TTC28: variants seen among roughly 807,000 people sequenced by gnomAD.
TTC28 encodes tetratricopeptide repeat domain 28.
TTC28 carries 61 observed loss-of-function variants against 198.0 expected under a neutral mutation model. That is an observed-to-expected ratio of 0.31 (90% CI 0.25 to 0.38). The LOEUF (loss-of-function observed/expected upper bound fraction) is 0.38, where lower values mean the gene tolerates loss of function less well. Ranked by LOEUF, TTC28 falls within the 10% of genes least tolerant of loss-of-function variation. The pLI is 1.00. For missense variants in TTC28, 2,678 were observed against 3,164.0 expected (o/e 0.85, Z 3.69); for synonymous variants, 1,171 against 1,297.8 (o/e 0.90, Z 2.10).
At chr22:28,090,079 C>A (rs1011544073) in intron 12 of TTC28, among the ~76,000 whole-genome samples, 2 of 151,182 alleles carry the variant, frequency 1.3e-5, no homozygotes, top group East Asian at 3.9e-4. Flanking sequence ...CAAACCTGCA[C>A]GTTGTGCACA....
At chr22:28,052,222 T>G (rs1014004017) in intron 12 of TTC28, among the ~76,000 whole-genome samples, 2 of 152,220 alleles carry the variant, frequency 1.3e-5, no homozygotes, top group Admixed American at 6.5e-5. Context: ...GGCATCAGAA[T>G]GTGGTGCATT....
chr22:28,673,778 T>C (rs912186528), intron 1 of TTC28, among the ~76,000 whole-genome samples: 2 of 152,182 alleles, frequency 1.3e-5, no homozygotes, highest in Non-Finnish European at 2.9e-5. Context: ...GTTCCAAGCA[T>C]CATATTTGTA....
At chr22:28,103,572 T>C (rs981785689) in intron 8 of TTC28, among the ~76,000 whole-genome samples, 3 of 152,188 alleles carry the variant, frequency 2.0e-5, no homozygotes, top group African/African-American at 7.2e-5. Flanking sequence ...CCAGGTGTCC[T>C]GCCCTCATGA....
At chr22:28,547,757 G>A (rs1458316260) in intron 2 of TTC28, among the ~76,000 whole-genome samples, 2 of 150,378 alleles carry the variant, frequency 1.3e-5, no homozygotes, top group Admixed American at 6.7e-5. Context: ...GCTGAGGCAT[G>A]TTAAAGAAAA....
chr22:28,389,731 CTTT>C (rs910392322), intron 2 of TTC28, among the ~76,000 whole-genome samples: 325 of 148,664 alleles, frequency 2.2e-3, no homozygotes, highest in African/African-American at 7.5e-3. Flanking sequence ...ATTCTTCTCT[CTTT>C]TTTTCTTTAT....
chr22:28,106,115 C>T (rs1942293550), intron 7 of TTC28, among the ~76,000 whole-genome samples: 1 of 152,156 alleles, frequency 6.6e-6, no homozygotes, highest in African/African-American at 2.4e-5. Context: ...GTTCTTCAGG[C>T]CTCCCAATTT....
chr22:27,997,236 G>A (rs758138694), intron 16 of TTC28, among the ~76,000 whole-genome samples: 70 of 152,258 alleles, frequency 4.6e-4, no homozygotes, highest in South Asian at 8.3e-4. Flanking sequence ...CAGAACCAAG[G>A]GACGGCCGTG....
intron 2 of TTC28, among the ~76,000 whole-genome samples, chr22:28,362,666 T>C (rs2046177050): frequency 6.6e-6 from 1 of 152,158 alleles, no homozygotes. Context: ...GATAATGATA[T>C]GGACAATGAA....
chr22:28,034,571 A>G (rs115439902), intron 12 of TTC28, among the ~76,000 whole-genome samples: 1,582 of 152,300 alleles, frequency 0.01, 30 homozygotes, highest in African/African-American at 0.035. Flanking sequence ...CCAGGGGCCT[A>G]ACTTGGCACT....
chr22:28,167,113 C>T (rs1569174699), intron 5 of TTC28, among the ~76,000 whole-genome samples: 1 of 152,182 alleles, frequency 6.6e-6, no homozygotes, highest in African/African-American at 2.4e-5. Context: ...CCGCCCAAGA[C>T]TAAACCAGGA....
intron 2 of TTC28, among the ~76,000 whole-genome samples, chr22:28,592,860 A>C (rs1439175470): frequency 6.6e-6 from 1 of 152,198 alleles, no homozygotes; most frequent in Admixed American, 6.5e-5. Flanking sequence ...TTTAGGACAC[A>C]GCAATTTTTC....
At chr22:28,387,048 G>A (rs145638726) in intron 2 of TTC28, among the ~76,000 whole-genome samples, 3,321 of 150,816 alleles carry the variant, frequency 0.022, 58 homozygotes, top group Middle Eastern at 0.038. Flanking sequence ...CTGTGTCCAC[G>A]TGTTCTCATT....
At chr22:28,373,305 CT>C (rs1162357069) in intron 2 of TTC28, among the ~76,000 whole-genome samples, 2 of 150,284 alleles carry the variant, frequency 1.3e-5, no homozygotes, top group Non-Finnish European at 3.0e-5. Context: ...CCTTCAGATA[CT>C]TTATGAGGCC....
chr22:27,998,966 T>G lies in TTC28; in HGVS notation c.4693A>C (p.Asn1565His). 6.4e-7 allele frequency: 1 copy of G among 1,550,646 alleles called. No individual in the cohort carries two copies. The highest frequency in any genetic ancestry group is 8.7e-7 in the Non-Finnish European group (1 of 1,146,946). ...AAGGAGCTCTTGCTGCTGGCAGGGT[T>G]GCCGTCCATGCTGGGCGTGAGGACC... ...ALVLTPSMDG[N>H]PASSKSSFGH... Residue 1565 changes from asparagine to histidine, a missense_variant, in exon 16 of 23, where the codon AAC (asparagine) becomes CAC (histidine). By Grantham distance (68) the Asn-to-His change is moderately conservative (BLOSUM62 1). Transcript: ENST00000397906.
chr22:28,660,147 T>A (rs2051719926), intron 1 of TTC28, among the ~76,000 whole-genome samples: 1 of 152,178 alleles, frequency 6.6e-6, no homozygotes, highest in African/African-American at 2.4e-5. Flanking sequence ...ATTATATCTT[T>A]ATTTCACAAA....
intron 2 of TTC28, among the ~76,000 whole-genome samples, chr22:28,494,184 T>C (rs1042233636): frequency 6.6e-6 from 1 of 152,238 alleles, no homozygotes; most frequent in African/African-American, 2.4e-5. Context: ...TAAATAGTGA[T>C]GTCTGGGATT....
intron 12 of TTC28, among the ~76,000 whole-genome samples, chr22:28,047,686 T>C (rs1939923271): frequency 6.6e-6 from 1 of 152,180 alleles, no homozygotes; most frequent in African/African-American, 2.4e-5. Context: ...CCTGTCCCAT[T>C]ACTCTCAGCA....
chr22:28,562,195 C>A (rs2049894286), intron 2 of TTC28, among the ~76,000 whole-genome samples: 1 of 152,088 alleles, frequency 6.6e-6, no homozygotes, highest in South Asian at 2.1e-4. Context: ...TTATGTAGTA[C>A]ATGGAGAAGA....
At chr22:28,637,091 C>T (rs1051168822) in intron 1 of TTC28, among the ~76,000 whole-genome samples, 6 of 148,414 alleles carry the variant, frequency 4.0e-5, no homozygotes, top group Admixed American at 2.1e-4. Context: ...TCACTGCAAG[C>T]TCTGCCTCCC....
Sources: allele counts gnomAD v4.1 joint callset (sites outside exome capture counted in the v4.1 genomes callset), GRCh38; gene constraint gnomAD v4.1.1; transcripts MANE v1.5; gene names NCBI Gene and HGNC (gene_info 2026-07-23, HGNC 2026-07-21).